Variants in ANO3 observed in about 807,000 individuals in gnomAD.
ANO3 encodes the protein anoctamin-3.
A neutral mutation model predicts 144.8 loss-of-function variants in ANO3; 99 were observed. The ratio of observed to expected loss-of-function variants is 0.68; its 90% CI spans 0.58 to 0.81. The LOEUF (loss-of-function observed/expected upper bound fraction) is 0.81, where lower values mean the gene tolerates loss of function less well. Among genes scored for constraint, ANO3 ranks in the 30% least tolerant of loss-of-function variants. The probability of loss-of-function intolerance (pLI) is 0.00; values close to 1 mark genes in which losing one functional copy is unlikely to be tolerated. For missense variants in ANO3, 905 were observed against 1,202.2 expected (o/e 0.75, Z 3.66); for synonymous variants, 414 against 392.6 (o/e 1.05, Z -0.64).
chr11:26,281,516 A>G (rs781420869), intron 1 of ANO3, among the ~76,000 whole-genome samples: 1 of 152,160 alleles, frequency 6.6e-6, no homozygotes, highest in Admixed American at 6.5e-5. Flanking sequence ...CACTTAAACT[A>G]AAATTAACAA....
chr11:26,281,834 G>T (rs1853685803), intron 1 of ANO3, among the ~76,000 whole-genome samples: 1 of 152,102 alleles, frequency 6.6e-6, no homozygotes, highest in Non-Finnish European at 1.5e-5. Flanking sequence ...TAAGTTTGAA[G>T]ACATTCAGGC....
intron 14 of ANO3, among the ~76,000 whole-genome samples, chr11:26,573,371 G>A (rs1850900980): frequency 6.6e-6 from 1 of 152,118 alleles, no homozygotes; most frequent in African/African-American, 2.4e-5. Flanking sequence ...ACTGTGGTAC[G>A]AAGAAAAGCA....
intron 4 of ANO3, among the ~76,000 whole-genome samples, chr11:26,469,373 A>G (rs1347181119): frequency 1.3e-5 from 2 of 151,868 alleles, no homozygotes; most frequent in East Asian, 3.9e-4. Flanking sequence ...GTTATGATAA[A>G]GGTAGCATTT....
chr11:26,542,066 C>G lies in ANO3; in HGVS notation c.1152C>G (p.Ile384Met). 6.2e-7 allele frequency: 1 copy of G among 1,607,604 alleles called. No homozygotes were observed. Among genetic ancestry groups the G allele is most frequent in the East Asian group, 2.2e-5 (1 of 44,776 alleles). Residue 384 changes from isoleucine (I) to methionine (M), a missense_variant and splice_region_variant, in exon 11 of 27, where the codon ATC becomes ATG. By Grantham distance (10) the Ile-to-Met change is conservative. Transcript: ENST00000256737. The part of the protein sequence containing the change: ...MWYKHQPLDL[I>M]RLYFGEKIGL... Reference sequence around the variant, plus strand: ...ATAAGCATCAGCCTCTGGATTTAATCAGGTACTGCAAATGGAACAATAATG... The same window carrying G: ...ATAAGCATCAGCCTCTGGATTTAATGAGGTACTGCAAATGGAACAATAATG...
intron 1 of ANO3, among the ~76,000 whole-genome samples, chr11:26,365,121 A>G (rs1856031809): frequency 1.3e-5 from 2 of 152,240 alleles, no homozygotes; most frequent in South Asian, 4.1e-4. Flanking sequence ...GCCACACACA[A>G]GTTTGAAACA....
intron 14 of ANO3, chr11:26,565,158 T>C: frequency 6.7e-7 from 1 of 1,499,294 alleles, no homozygotes; most frequent in Non-Finnish European, 8.9e-7. Flanking sequence ...AAATCATTTA[T>C]ATTTACCTTT....
At chr11:26,355,406 G>A (rs528905559) in intron 1 of ANO3, among the ~76,000 whole-genome samples, 2 of 152,118 alleles carry the variant, frequency 1.3e-5, no homozygotes, top group Non-Finnish European at 2.9e-5. Flanking sequence ...TGTTTAAAGA[G>A]TCTAATATCA....
intron 1 of ANO3, among the ~76,000 whole-genome samples, chr11:26,437,743 G>T (rs1458482059): frequency 2.0e-5 from 3 of 152,106 alleles, no homozygotes; most frequent in African/African-American, 7.2e-5. Flanking sequence ...TTATGTTCAT[G>T]TATGCTCAGT....
At chr11:26,206,287 T>A (rs926450822) in intron 1 of ANO3, among the ~76,000 whole-genome samples, 2 of 152,200 alleles carry the variant, frequency 1.3e-5, no homozygotes, top group African/African-American at 4.8e-5. Flanking sequence ...AATCCAACCA[T>A]CTTCAAATGC....
chr11:26,625,975 T>G (rs1852571035), intron 18 of ANO3, among the ~76,000 whole-genome samples: 1 of 152,220 alleles, frequency 6.6e-6, no homozygotes. Context: ...GATATCCATG[T>G]TCCTAGGTAT....
intron 1 of ANO3, among the ~76,000 whole-genome samples, chr11:26,249,468 T>C (rs1458474687): frequency 6.6e-6 from 1 of 152,188 alleles, no homozygotes; most frequent in East Asian, 1.9e-4. Context: ...GCTAAAGGAA[T>C]GAATTGTGTG....
At chr11:26,644,421 A>G (rs1022294183) in intron 23 of ANO3, among the ~76,000 whole-genome samples, 5 of 152,198 alleles carry the variant, frequency 3.3e-5, no homozygotes. Context: ...ACAATACTGA[A>G]GTGATCATAT....
intron 14 of ANO3, chr11:26,565,531 G>T (rs750136482): frequency 1.2e-6 from 2 of 1,613,394 alleles, no homozygotes; most frequent in South Asian, 2.2e-5. Flanking sequence ...ATCAAGGGAG[G>T]GCTTGTGGAA....
intron 1 of ANO3, among the ~76,000 whole-genome samples, chr11:26,318,677 T>C (rs1854685299): frequency 6.6e-6 from 1 of 152,192 alleles, no homozygotes; most frequent in Non-Finnish European, 1.5e-5. Flanking sequence ...ACACATCAAC[T>C]GGTCCTTGGA....
chr11:26,268,702 T>C (rs1277104484), intron 1 of ANO3, among the ~76,000 whole-genome samples: 1 of 152,072 alleles, frequency 6.6e-6, no homozygotes, highest in Non-Finnish European at 1.5e-5. Context: ...AAGGTGCAAC[T>C]CTCCTAGTTC....
chr11:26,527,372 T>G (rs1849188732), intron 7 of ANO3, among the ~76,000 whole-genome samples: 1 of 152,162 alleles, frequency 6.6e-6, no homozygotes, highest in South Asian at 2.1e-4. Flanking sequence ...TTAAAATATC[T>G]TGAACCTTAC....
At chr11:26,505,816 C>CAAA (rs1344586478) in intron 4 of ANO3, among the ~76,000 whole-genome samples, 201 of 151,218 alleles carry the variant, frequency 1.3e-3, no homozygotes, top group Non-Finnish European at 2.4e-3. Context: ...ACTAAAAATC[C>CAAA]AAAAAATAAA....
intron 10 of ANO3, among the ~76,000 whole-genome samples, chr11:26,541,421 G>A (rs1294147961): frequency 6.6e-6 from 1 of 152,132 alleles, no homozygotes; most frequent in South Asian, 2.1e-4. Flanking sequence ...TTCTGCACAT[G>A]TATCCCAGAA....
At chr11:26,204,080 T>G (rs559484716) in intron 1 of ANO3, among the ~76,000 whole-genome samples, 1 of 152,252 alleles carries the variant, frequency 6.6e-6, no homozygotes, top group South Asian at 2.1e-4. Context: ...CATCTTTTTC[T>G]TATGGAATGG....
Sources: gnomAD v4.1 joint callset for allele counts (sites outside exome capture counted in the v4.1 genomes callset) on GRCh38, gnomAD v4.1.1 for gene constraint, MANE v1.5 for transcripts, NCBI Gene and HGNC (gene_info 2026-07-23, HGNC 2026-07-21) for gene names.